Variants in PTPRK observed in about 807,000 individuals in gnomAD.
The protein encoded by PTPRK is receptor-type tyrosine-protein phosphatase kappa.
In PTPRK, 75 loss-of-function variants were observed where a neutral mutation model predicts 178.0. The ratio of observed to expected loss-of-function variants is 0.42; its 90% CI spans 0.35 to 0.51. The LOEUF (loss-of-function observed/expected upper bound fraction) is 0.51. Among genes scored for constraint, PTPRK ranks in the 20% least tolerant of loss-of-function variants. PTPRK has a pLI of 0.02. For missense variants in PTPRK, 1,441 were observed against 1,797.8 expected (o/e 0.80, Z 3.59); for synonymous variants, 637 against 620.6 (o/e 1.03, Z -0.39).
At chr6:128,154,428 A>C (rs1344499986) in intron 7 of PTPRK, among the ~76,000 whole-genome samples, 1 of 151,810 alleles carries the variant, frequency 6.6e-6, no homozygotes, top group Non-Finnish European at 1.5e-5. Context: ...GACTTTAGCA[A>C]TATAATGACA....
intron 2 of PTPRK, among the ~76,000 whole-genome samples, chr6:128,377,578 A>G (rs760081261): frequency 1.9e-4 from 29 of 152,312 alleles, no homozygotes; most frequent in Non-Finnish European, 4.0e-4. Flanking sequence ...TGTAAGTAAT[A>G]GACAACTGGA....
chr6:128,308,454 C>G (rs530044789), intron 3 of PTPRK, among the ~76,000 whole-genome samples: 1 of 151,606 alleles, frequency 6.6e-6, no homozygotes, highest in Admixed American at 6.6e-5. Context: ...AATACACGAA[C>G]TGCTTGCATT....
intron 1 of PTPRK, among the ~76,000 whole-genome samples, chr6:128,504,873 T>C (rs1488461929): frequency 1.3e-5 from 2 of 152,182 alleles, no homozygotes; most frequent in East Asian, 3.9e-4. Context: ...TCTGATTCAG[T>C]ATCCTTTAGG....
intron 20 of PTPRK, 71 bp from the exon 21 acceptor site, chr6:127,990,956 A>G: frequency 1.1e-6 from 1 of 885,336 alleles, no homozygotes; most frequent in Non-Finnish European, 1.8e-6. Flanking sequence ...ATTTAATTCC[A>G]GCAATAACTC....
chr6:128,179,935 C>T (rs907324152), intron 7 of PTPRK, among the ~76,000 whole-genome samples: 7 of 152,026 alleles, frequency 4.6e-5, no homozygotes, highest in African/African-American at 1.7e-4. Context: ...AGACACTCTC[C>T]TTTTCACTGC....
intron 2 of PTPRK, among the ~76,000 whole-genome samples, chr6:128,395,960 T>C (rs888389385): frequency 3.3e-5 from 5 of 152,178 alleles, no homozygotes; most frequent in African/African-American, 1.2e-4. Context: ...ATTTACCATA[T>C]TCATTTACAA....
chr6:128,369,812 A>G (rs1836014188), intron 2 of PTPRK, among the ~76,000 whole-genome samples: 1 of 152,100 alleles, frequency 6.6e-6, no homozygotes, highest in Non-Finnish European at 1.5e-5. Flanking sequence ...CTAGTGAGGA[A>G]ATCTATTCCA....
At chr6:128,454,546 C>A (rs149524405) in intron 1 of PTPRK, among the ~76,000 whole-genome samples, 2 of 152,124 alleles carry the variant, frequency 1.3e-5, no homozygotes, top group Admixed American at 6.6e-5. Context: ...AAGTGTACAA[C>A]GCAGTGGATT....
At chr6:128,331,957 A>ATTT (rs1830337928) in intron 2 of PTPRK, among the ~76,000 whole-genome samples, 2 of 152,076 alleles carry the variant, frequency 1.3e-5, no homozygotes, top group African/African-American at 4.8e-5. Context: ...TTGAAAATAG[A>ATTT]AAAATGTATG....
chr6:127,994,206 A>T lies in PTPRK; in HGVS notation c.2844+1256T>A, dbSNP rs9385445. On this transcript the variant is annotated intron_variant, in intron 18 of 29. Coordinates refer to ENST00000368226, the MANE Select transcript of PTPRK (RefSeq NM_002844.4). ...TTCATAACTCTAAAATGTGAACCTA[A>T]TAAATGTAATGAAAATTATTTCCTA... 0.016 allele frequency among the ~76,000 whole-genome samples: 2,370 copies of T among 151,882 alleles called. 242 individuals carry two copies. The East Asian group carries it at 0.29, about 18-fold the overall frequency.
In PTPRK at chr6:128,184,418, C is replaced by T; in HGVS notation, c.1162+14G>A. Reference sequence around the variant, plus strand: ...TCCTTCACAAGGTAGAAAAGGTCTGCTACTCAGTCTTACCTGCACATTTTG... The same window carrying T: ...TCCTTCACAAGGTAGAAAAGGTCTGTTACTCAGTCTTACCTGCACATTTTG... On this transcript the variant is annotated intron_variant, in intron 7 of 29. Coordinates refer to ENST00000368226, the MANE Select transcript of PTPRK (RefSeq NM_002844.4). The T allele has an allele frequency of 1.9e-6, 3 of 1,610,456 alleles. No individual in the cohort carries two copies. The highest frequency in any genetic ancestry group is 2.5e-6 in the Non-Finnish European group (3 of 1,177,752).
In PTPRK at chr6:128,305,122, C is replaced by T. The variant is rs890590233; in HGVS notation, c.495+16917G>A. Reference sequence around the variant, plus strand: ...TTTGAAAAAGAAGACAAGAAAGAGTCGATACTCTTTTTACTAGATTTTTGA... The same window carrying T: ...TTTGAAAAAGAAGACAAGAAAGAGTTGATACTCTTTTTACTAGATTTTTGA... On this transcript the variant is annotated intron_variant, in intron 3 of 29. Transcript: ENST00000368226. Among the ~76,000 whole-genome samples, 7 of 152,050 alleles carry T rather than the reference C, an allele frequency of 4.6e-5. No homozygotes were observed. The East Asian group carries it at 9.6e-4, about 21-fold the overall frequency.
intron 25 of PTPRK, among the ~76,000 whole-genome samples, chr6:127,978,961 A>C (rs922103758): frequency 1.3e-5 from 2 of 152,216 alleles, no homozygotes; most frequent in Non-Finnish European, 1.5e-5. Flanking sequence ...TGCACTACTA[A>C]ATCCCCAGAA....
At chr6:128,154,668 T>A (rs1413583097) in intron 7 of PTPRK, among the ~76,000 whole-genome samples, 1 of 151,324 alleles carries the variant, frequency 6.6e-6, no homozygotes, top group Non-Finnish European at 1.5e-5. Flanking sequence ...AATTACTTCA[T>A]CAAAGAGGAA....
intron 13 of PTPRK, among the ~76,000 whole-genome samples, chr6:128,044,391 T>C (rs185395412): frequency 6.6e-6 from 1 of 152,124 alleles, no homozygotes; most frequent in Admixed American, 6.6e-5. Flanking sequence ...CTAAACACAC[T>C]CTGAGGAGCT....
intron 6 of PTPRK, among the ~76,000 whole-genome samples, chr6:128,189,763 A>G (rs541360430): frequency 8.4e-4 from 128 of 152,212 alleles, no homozygotes; most frequent in Non-Finnish European, 1.5e-3. Flanking sequence ...ATTTTTATCC[A>G]GTTCTGGTTC....
intron 1 of PTPRK, chr6:128,518,887 C>A (rs1456357197): frequency 1.6e-5 from 7 of 425,868 alleles, no homozygotes; most frequent in African/African-American, 1.3e-4. Flanking sequence ...CTAAATGGGG[C>A]GGGGGTAGGA....
chr6:128,001,482 A>G (rs1354056411), intron 15 of PTPRK, among the ~76,000 whole-genome samples: 1 of 151,994 alleles, frequency 6.6e-6, no homozygotes, highest in Non-Finnish European at 1.5e-5. Context: ...AACCAGCTTG[A>G]CTTTCAAAAT....
At chr6:128,114,398 A>G (rs1791156784) in intron 7 of PTPRK, among the ~76,000 whole-genome samples, 1 of 151,842 alleles carries the variant, frequency 6.6e-6, no homozygotes, top group Admixed American at 6.6e-5. Context: ...TGGGCGGATC[A>G]CCTAAGGTCA....
Sources: gnomAD v4.1 joint callset for allele counts (sites outside exome capture counted in the v4.1 genomes callset) on GRCh38, gnomAD v4.1.1 for gene constraint, MANE v1.5 for transcripts, NCBI Gene and HGNC (gene_info 2026-07-23, HGNC 2026-07-21) for gene names.